The following TRAF3 variants were observed in gnomAD, a reference collection of about 807,000 sequenced individuals.
The protein encoded by TRAF3 is TNF receptor-associated factor 3.
In TRAF3, 13 loss-of-function variants were observed where a neutral mutation model predicts 62.3. The ratio of observed to expected loss-of-function variants is 0.21; its 90% CI spans 0.14 to 0.33. The LOEUF is 0.33. Among genes scored for constraint, TRAF3 ranks in the 10% least tolerant of loss-of-function variants. The pLI is 1.00. For synonymous variants in TRAF3, 269 were observed against 283.4 expected, an observed-to-expected ratio of 0.95 and a Z score of 0.51; for missense variants, 440 against 741.8, an observed-to-expected ratio of 0.59 and a Z score of 4.73.
At chr14:102,816,864 C>T (rs1273661914) in intron 1 of TRAF3, among the ~76,000 whole-genome samples, 3 of 152,218 alleles carry the variant, frequency 2.0e-5, no homozygotes, top group Non-Finnish European at 4.4e-5. Flanking sequence ...GCATTTGCTG[C>T]ACTTCTGAAT....
chr14:102,836,574 T>C (rs935297106), intron 2 of TRAF3, among the ~76,000 whole-genome samples: 3 of 152,254 alleles, frequency 2.0e-5, no homozygotes, highest in Non-Finnish European at 4.4e-5. Context: ...TGGAAATGTT[T>C]TACACTTTTG....
At chr14:102,839,515 C>T (rs573614536) in intron 2 of TRAF3, among the ~76,000 whole-genome samples, 119 of 152,274 alleles carry the variant, frequency 7.8e-4, no homozygotes, top group Non-Finnish European at 1.5e-3. Context: ...CCACTGTGCC[C>T]AGCCATTATT....
At chr14:102,871,050 A>C (rs1888313066) in intron 3 of TRAF3, among the ~76,000 whole-genome samples, 1 of 152,204 alleles carries the variant, frequency 6.6e-6, no homozygotes, top group African/African-American at 2.4e-5. Flanking sequence ...TGCAGGCCTC[A>C]TGTTTTCTGG....
intron 1 of TRAF3, among the ~76,000 whole-genome samples, chr14:102,785,319 GAC>G (rs1410207445): frequency 6.6e-6 from 1 of 152,124 alleles, no homozygotes; most frequent in Non-Finnish European, 1.5e-5. Flanking sequence ...ACTCTCCTTT[GAC>G]ACATTTGGAT....
rs1386124474 is a variant in TRAF3 at position 102,783,683 on chromosome 14, A to G, written c.-157+6008A>G. On this transcript the variant is annotated intron_variant, in intron 1 of 11. Transcript: ENST00000392745. ...AATCTTTCAAAACTGTTGATTCTCC[A>G]AAAGATGTATTGTGTTTCTGGAATC... Among the ~76,000 whole-genome samples the G allele has an allele frequency of 2.6e-5, 4 of 152,192 alleles. No homozygotes were observed. In the East Asian group the frequency reaches 5.8e-4, roughly 22 times the overall value.
intron 2 of TRAF3, among the ~76,000 whole-genome samples, chr14:102,868,447 T>TGGG (rs1888136674): frequency 6.6e-6 from 1 of 152,056 alleles, no homozygotes; most frequent in East Asian, 1.9e-4. Context: ...CTGTTGACAG[T>TGGG]GGGGGAGTGG....
At chr14:102,846,126 C>T (rs1886707961) in intron 2 of TRAF3, among the ~76,000 whole-genome samples, 1 of 151,918 alleles carries the variant, frequency 6.6e-6, no homozygotes, top group African/African-American at 2.4e-5. Flanking sequence ...ATTACAGCTG[C>T]TTTGGGAAAT....
At chr14:102,889,185 CT>C (rs1430875222) in intron 7 of TRAF3, among the ~76,000 whole-genome samples, 3 of 152,114 alleles carry the variant, frequency 2.0e-5, no homozygotes, top group Non-Finnish European at 4.4e-5. Context: ...ATTCTGAATG[CT>C]TTCTATTTTT....
intron 2 of TRAF3, among the ~76,000 whole-genome samples, chr14:102,859,758 T>C (rs1255524860): frequency 6.6e-6 from 1 of 152,182 alleles, no homozygotes; most frequent in African/African-American, 2.4e-5. Flanking sequence ...ACAACACATA[T>C]AAATACACAG....
rs537443982 is a variant in TRAF3, at chr14:102,862,428, G to T, written c.-17-7757G>T. On this transcript the variant is annotated intron_variant, in intron 2 of 11. Transcript: ENST00000392745. ...AAAAAAAAAAAAAAAAAAATTATTG[G>T]TTGACAGATTTTTTTCTTTCAGCCC... Among the ~76,000 whole-genome samples, 9 of 151,214 alleles carry T rather than the reference G, an allele frequency of 6.0e-5. No individual in the cohort carries two copies. The South Asian group carries it at 1.9e-3, about 32-fold the overall frequency.
At chr14:102,850,863 T>C (rs1031847737) in intron 2 of TRAF3, among the ~76,000 whole-genome samples, 1 of 152,198 alleles carries the variant, frequency 6.6e-6, no homozygotes, top group African/African-American at 2.4e-5. Flanking sequence ...GCTTAGTGGA[T>C]CTGTTGTTGC....
chr14:102,787,180 G>A (rs1218799399), intron 1 of TRAF3, among the ~76,000 whole-genome samples: 1 of 152,080 alleles, frequency 6.6e-6, no homozygotes, highest in East Asian at 1.9e-4. Context: ...AAATACCGGT[G>A]GGAGTAGAAG....
At chr14:102,779,867 C>T (rs760024169) in intron 1 of TRAF3, among the ~76,000 whole-genome samples, 19 of 152,198 alleles carry the variant, frequency 1.2e-4, no homozygotes, top group Admixed American at 6.5e-4. Flanking sequence ...AAGTATTATG[C>T]AATAGCTGAA....
intron 2 of TRAF3, among the ~76,000 whole-genome samples, chr14:102,848,503 A>C (rs747663074): frequency 3.3e-5 from 5 of 152,258 alleles, no homozygotes; most frequent in Non-Finnish European, 7.3e-5. Flanking sequence ...GTTTGCATCC[A>C]AAGTGAGATT....
At chr14:102,824,308 C>G (rs1457708906) in intron 1 of TRAF3, among the ~76,000 whole-genome samples, 1 of 152,240 alleles carries the variant, frequency 6.6e-6, no homozygotes, top group Non-Finnish European at 1.5e-5. Context: ...ATTGCAGTCT[C>G]TTTCCTTCCT....
At chr14:102,803,566 C>T (rs1326703895) in intron 1 of TRAF3, among the ~76,000 whole-genome samples, 1 of 151,776 alleles carries the variant, frequency 6.6e-6, no homozygotes, top group Non-Finnish European at 1.5e-5. Flanking sequence ...TTAAGTTGGC[C>T]AGAAGTATAA....
At chr14:102,851,693 G>A (rs985442410) in intron 2 of TRAF3, among the ~76,000 whole-genome samples, 56 of 152,128 alleles carry the variant, frequency 3.7e-4, no homozygotes, top group African/African-American at 1.3e-3. Flanking sequence ...GCAGTGAGCC[G>A]AGATGGCGCC....
intron 1 of TRAF3, among the ~76,000 whole-genome samples, chr14:102,804,907 T>C (rs1278075270): frequency 6.6e-6 from 1 of 152,218 alleles, no homozygotes; most frequent in Non-Finnish European, 1.5e-5. Flanking sequence ...AATCTTTCTG[T>C]GCACCAAAAT....
chr14:102,799,809 A>G (rs1898288023), intron 1 of TRAF3, among the ~76,000 whole-genome samples: 2 of 152,244 alleles, frequency 1.3e-5, no homozygotes, highest in Admixed American at 1.3e-4. Flanking sequence ...GCCAGGCAGC[A>G]ATAGTTTTCA....
Sources: allele counts gnomAD v4.1 joint callset (sites outside exome capture counted in the v4.1 genomes callset), GRCh38; gene constraint gnomAD v4.1.1; transcripts MANE v1.5; gene names NCBI Gene and HGNC (gene_info 2026-07-23, HGNC 2026-07-21).